The following POLG variants were observed in gnomAD, a reference collection of about 807,000 sequenced individuals.
POLG encodes the protein DNA polymerase gamma, catalytic subunit, also known as DNA polymerase subunit gamma-1.
A neutral mutation model predicts 155.4 loss-of-function variants in POLG; 110 were observed. The ratio of observed to expected loss-of-function variants is 0.71; its 90% CI spans 0.61 to 0.83. POLG has a LOEUF of 0.83. POLG is among the 40% of genes least tolerant of loss of function. POLG has a pLI of 0.00. For synonymous variants in POLG, 701 were observed against 631.5 expected, an observed-to-expected ratio of 1.11 and a Z score of -1.65; for missense variants, 1,685 against 1,627.5, an observed-to-expected ratio of 1.04 and a Z score of -0.61.
At chr15:89,325,101 AG>A (rs1567189299) in intron 10 of POLG, among the ~76,000 whole-genome samples, 3,545 of 71,094 alleles carry the variant, frequency 0.05, 858 homozygotes, top group South Asian at 0.079. Flanking sequence ...AGTGAGTGAG[AG>A]AGTGAGAGAG....
rs1028820085 is a variant in POLG at position 89,319,424 on chromosome 15, T to TA, written c.2982-75_2982-74insT. 2.5e-6 allele frequency: 4 copies of TA among 1,586,526 alleles called. No homozygotes were observed. The Admixed American group carries it at 5.0e-5, about 20-fold the overall frequency. ...ACGCTAGTGCCTTGGCAAGGAATGT[T>TA]CACATATCACTTCAACTTTTAAAAA... On this transcript the variant is annotated intron_variant, in intron 18 of 22. Coordinates refer to ENST00000268124, the MANE Select transcript of POLG (RefSeq NM_002693.3).
rs146064249 is a variant in POLG at position 89,319,329 on chromosome 15, G to A, written c.3003C>T (p.Gly1001=). The A allele has an allele frequency of 1.2e-5, 19 of 1,613,842 alleles. No individual in the cohort carries two copies. Among genetic ancestry groups the A allele is most frequent in the East Asian group, 4.5e-5 (2 of 44,888 alleles). The change falls in exon 19 of 23, where the codon GGC becomes GGT. Residue 1001 remains glycine (G), a synonymous_variant. Coordinates refer to ENST00000268124, the MANE Select transcript of POLG (RefSeq NM_002693.3). ...GGTTCAACTCCCTCACCAGCCACTCGCCCTCATCCGACAGCCGATACCTGG... is the reference window on the plus strand; with the variant it reads ...GGTTCAACTCCCTCACCAGCCACTCACCCTCATCCGACAGCCGATACCTGG... ...GLRWYRLSDE[G]EWLVRELNLP... is the part of the protein sequence containing the mutation.
chr15:89,331,770 A>C (rs573499059), intron 2 of POLG, among the ~76,000 whole-genome samples: 1 of 151,822 alleles, frequency 6.6e-6, no homozygotes, highest in South Asian at 2.1e-4. Flanking sequence ...ACCATGTGGC[A>C]CCCACCCCCA....
chr15:89,325,776 C>T (rs1445870420), intron 9 of POLG, 90 bp from the exon 10 acceptor site: 1 of 1,048,116 alleles, frequency 9.5e-7, no homozygotes, highest in Admixed American at 1.7e-5. Flanking sequence ...CCCACCCACC[C>T]TCCAAAGCCC....
rs1360279626 is a variant in POLG at position 89,333,788 on chromosome 15, A to G, written c.-34T>C. On this transcript the variant is annotated 5_prime_UTR_variant, in exon 2 of 23. Transcript: ENST00000268124. ...CAGGGACCCCCACGCTGGGAGTCAGAACACCTGGCTTTGGGCTCCAGCTTG... is the reference window on the plus strand; with the variant it reads ...CAGGGACCCCCACGCTGGGAGTCAGGACACCTGGCTTTGGGCTCCAGCTTG... 6.5e-7 allele frequency: 1 copy of G among 1,534,678 alleles called. No individual in the cohort carries two copies. The highest frequency in any genetic ancestry group is 2.4e-5 in the East Asian group (1 of 40,862).
chr15:89,331,684 G>C (rs2055595912), intron 2 of POLG, among the ~76,000 whole-genome samples: 2 of 152,158 alleles, frequency 1.3e-5, no homozygotes, highest in Non-Finnish European at 1.5e-5. Flanking sequence ...GTAAATTGTG[G>C]GCTGGTCAGG....
chr15:89,324,129 T>A lies in POLG; in HGVS notation c.2048A>T (p.Asp683Val). Reference protein sequence around the residue: ...AGLAEEFLLTDNSAIWQTVEE... With the variant: ...AGLAEEFLLTVNSAIWQTVEE... ...CACCGTTTGCCATATGGCACTATTG[T>A]CAGTGAGCAGGAACTCCTCCGCCAG... Residue 683 changes from aspartate to valine, a missense_variant, in exon 11 of 23, where the codon GAC (aspartate) becomes GTC (valine). By Grantham distance (152) the Asp-to-Val change is radical. This residue lies in a region of POLG where 1,210 missense variants were observed against 1,167.1 expected (regional missense o/e 1.04). Coordinates refer to ENST00000268124, the MANE Select transcript of POLG (RefSeq NM_002693.3). 2 of 1,614,052 alleles carry A rather than the reference T, an allele frequency of 1.2e-6. No homozygotes were observed. The highest frequency in any genetic ancestry group is 1.7e-6 in the Non-Finnish European group (2 of 1,180,042).
chr15:89,321,287 G>C, intron 16 of POLG, 27 bp from the exon 17 acceptor site: 2 of 1,612,736 alleles, frequency 1.2e-6, no homozygotes, highest in South Asian at 1.1e-5. Context: ...ATACCCAAAT[G>C]AGACTCTTCC....
At chr15:89,324,009 G>T (rs2055436201) in intron 11 of POLG, 98 bp downstream of exon 11, 1 of 1,574,754 alleles carries the variant, frequency 6.4e-7, no homozygotes, top group Non-Finnish European at 8.7e-7. Flanking sequence ...TCTGGGGTGA[G>T]CCACCAGTGC....
Position 89,319,307 on chromosome 15 carries a change from T to TCAA in POLG, c.3022_3024dup (p.Leu1008dup), listed in dbSNP as rs1291621041. 2 of 1,614,088 alleles carry TCAA rather than the reference T, an allele frequency of 1.2e-6. No homozygotes were observed. The highest frequency in any genetic ancestry group is 4.5e-5 in the East Asian group (2 of 44,876). ...CCCTCAGTCCTGTCCACTGGGAGGT[T>TCAA]CAACTCCCTCACCAGCCACTCGCCC... On this transcript the variant is annotated inframe_insertion, in exon 19 of 23. Transcript: ENST00000268124.
chr15:89,330,078 T>C lies in POLG; in HGVS notation c.855+3A>G. On this transcript the variant is annotated splice_donor_region_variant and intron_variant, in intron 3 of 22. Transcript: ENST00000268124. Reference sequence around the variant, plus strand: ...AACCTGCAGTTGGCCCCAGGAACCTTACCTGGATCAGGTACTGCTCCCTGA... The same window carrying C: ...AACCTGCAGTTGGCCCCAGGAACCTCACCTGGATCAGGTACTGCTCCCTGA... The C allele has an allele frequency of 1.2e-6, 2 of 1,613,532 alleles. No individual in the cohort carries two copies. Among genetic ancestry groups the C allele is most frequent in the Non-Finnish European group, 1.7e-6 (2 of 1,179,466 alleles).
chr15:89,323,049 ACGCGCG>A lies in POLG; in HGVS notation c.2266-153_2266-148del, dbSNP rs1225494534. 1.2e-3 allele frequency: 895 copies of A among 754,000 alleles called. 13 individuals carry two copies. The South Asian group carries it at 0.013, about 11-fold the overall frequency. The allele number at this position is 754,000 out of a possible 1,614,324, so 46.7% of individuals were successfully genotyped here. A position where few individuals can be genotyped will look rare whatever the true frequency, so the allele number is the denominator to read the frequency against. On this transcript the variant is annotated intron_variant, in intron 13 of 22. Transcript: ENST00000268124. ...CCCTGATTGTATCACGCACGCGCGC[ACGCGCG>A]CACGCACACACACACGTGCACACAC...
intron 20 of POLG, 74 bp downstream of exon 20, chr15:89,318,857 G>C (rs1473493226): frequency 6.3e-7 from 1 of 1,576,128 alleles, no homozygotes; most frequent in East Asian, 2.2e-5. Flanking sequence ...TACAAACATT[G>C]GTAAGGTCCA....
chr15:89,323,344 G>A (rs2055425294), intron 13 of POLG, 60 bp downstream of exon 13: 1 of 1,063,768 alleles, frequency 9.4e-7, no homozygotes, highest in African/African-American at 1.5e-5. Context: ...CTGAAGGCCT[G>A]CTGTGGGCCT....
intron 2 of POLG, among the ~76,000 whole-genome samples, chr15:89,330,980 T>C (rs933570584): frequency 1.3e-5 from 2 of 152,106 alleles, no homozygotes; most frequent in Non-Finnish European, 2.9e-5. Flanking sequence ...TGCAGTTTGC[T>C]CAAGATCCAC....
chr15:89,325,065 T>TGAGTGAGA (rs2055459610), intron 10 of POLG, among the ~76,000 whole-genome samples: 3 of 87,964 alleles, frequency 3.4e-5, no homozygotes, highest in African/African-American at 1.7e-4. Flanking sequence ...AGAGAGTGAG[T>TGAGTGAGA]GAGTGAGTGA....
At chr15:89,322,494 T>TAA (rs1299987461) in intron 14 of POLG, among the ~76,000 whole-genome samples, 1 of 152,220 alleles carries the variant, frequency 6.6e-6, no homozygotes, top group Non-Finnish European at 1.5e-5. Flanking sequence ...CTCCAGCAGT[T>TAA]ACACCAAGAA....
At chr15:89,328,278 T>G (rs1023749865) in intron 6 of POLG, among the ~76,000 whole-genome samples, 178 bp downstream of exon 6, 1 of 152,140 alleles carries the variant, frequency 6.6e-6, no homozygotes, top group Non-Finnish European at 1.5e-5. Flanking sequence ...TCAGGGCCTC[T>G]GTCAAATCCA....
intron 11 of POLG, 68 bp downstream of exon 11, chr15:89,324,039 T>C: frequency 1.9e-6 from 3 of 1,607,200 alleles, no homozygotes; most frequent in Non-Finnish European, 2.6e-6. Flanking sequence ...ACCCAAAGGC[T>C]GCCCCTTCCC....
Sources: allele counts gnomAD v4.1 joint callset (sites outside exome capture counted in the v4.1 genomes callset), GRCh38; gene constraint gnomAD v4.1.1; regional missense constraint gnomAD v4.1.1; transcripts MANE v1.5; gene names NCBI Gene and HGNC (gene_info 2026-07-23, HGNC 2026-07-21).